Variants in KLHL7 observed in about 807,000 individuals in gnomAD.
KLHL7 encodes kelch-like protein 7.
Under a neutral mutation model 67.4 loss-of-function variants are expected in KLHL7, and 44 were observed. The observed-to-expected ratio is 0.65, with a 90% confidence interval of 0.51 to 0.84. The LOEUF is 0.84. Among genes scored for constraint, KLHL7 ranks in the 40% least tolerant of loss-of-function variants. The probability of loss-of-function intolerance (pLI) is 0.00; values close to 1 mark genes in which losing one functional copy is unlikely to be tolerated. For missense variants in KLHL7, 362 were observed against 718.1 expected (o/e 0.50, Z 5.67); for synonymous variants, 252 against 243.3 (o/e 1.04, Z -0.33).
chr7:23,165,883 C>CCTTG lies in KLHL7; in HGVS notation c.1125_1128dup (p.Ala377CysfsTer26), dbSNP rs1554292763. The stretch of plus-strand genomic sequence containing the variant: ...TGGGTCCTCCGACACCTCGAGACAG[C>CCTTG]CTTGCTGCATGTGCTGCAGAAGGCA... On this transcript the variant is annotated frameshift_variant, in exon 8 of 11. Coordinates refer to ENST00000339077, the MANE Select transcript of KLHL7 (RefSeq NM_001031710.3). LOFTEE classifies it high-confidence loss of function. 1.2e-6 allele frequency: 2 copies of CCTTG among 1,614,152 alleles called. No homozygotes were observed. Among genetic ancestry groups the CCTTG allele is most frequent in the Non-Finnish European group, 1.7e-6 (2 of 1,180,000 alleles).
Position 23,124,705 on chromosome 7 carries a change from A to T in KLHL7, c.241A>T (p.Lys81Ter). The change falls in exon 3 of 11, where the codon AAG (lysine) becomes TAG (stop). Residue 81 changes from lysine to a stop codon, truncating the protein, a stop_gained. Coordinates refer to ENST00000339077, the MANE Select transcript of KLHL7 (RefSeq NM_001031710.3). LOFTEE classifies it high-confidence loss of function. ...LMFTTNMLES[K>*]SFEVELKDAE... ...CATTGTAGCTAACATGCTTGAATCA[A>T]AGTCCTTTGAAGTAGAACTCAAAGA... 6.2e-7 allele frequency: 1 copy of T among 1,609,368 alleles called. No homozygotes were observed. The highest frequency in any genetic ancestry group is 8.5e-7 in the Non-Finnish European group (1 of 1,175,668).
intron 9 of KLHL7, chr7:23,172,707 C>A: frequency 2.8e-6 from 1 of 360,448 alleles, no homozygotes. Flanking sequence ...AATAGATATC[C>A]TCATTTTCTT....
chr7:23,147,650 C>A (rs900632588), intron 6 of KLHL7, among the ~76,000 whole-genome samples: 5 of 152,080 alleles, frequency 3.3e-5, no homozygotes, highest in African/African-American at 1.2e-4. Context: ...TAGGTTGTGT[C>A]TTCTGTGTTC....
chr7:23,105,795 C>G lies in KLHL7; in HGVS notation c.-232C>G, dbSNP rs556970680. On this transcript the variant is annotated 5_prime_UTR_variant, in exon 1 of 11. Coordinates refer to ENST00000339077, the MANE Select transcript of KLHL7 (RefSeq NM_001031710.3). ...TCCTGGGCAGGGCTCGGGTTCTGCC[C>G]GGGGACGCAGCCCAGTTGGTAGCGT... 8.7e-6 allele frequency: 5 copies of G among 577,404 alleles called. No homozygotes were observed. In the Middle Eastern group the frequency reaches 1.4e-3, roughly 166 times the overall value. The allele number at this position is 577,404 out of a possible 1,614,324, so 35.8% of individuals were successfully genotyped here. A position where few individuals can be genotyped will look rare whatever the true frequency, so the allele number is the denominator to read the frequency against.
In KLHL7 at chr7:23,174,955, A is replaced by G. The variant is rs1248147088; in HGVS notation, c.*657A>G. 4 of 453,422 alleles carry G rather than the reference A, an allele frequency of 8.8e-6. No individual in the cohort carries two copies. Among genetic ancestry groups the G allele is most frequent in the Non-Finnish European group, 1.8e-5 (4 of 226,440 alleles). The allele number at this position is 453,422 out of a possible 1,614,324, so 28.1% of individuals were successfully genotyped here. A position where few individuals can be genotyped will look rare whatever the true frequency, so the allele number is the denominator to read the frequency against. ...ATTCCATCTTTTTAACATAAAATGT[A>G]AAGCTTAGCACCCATCATTAATTTA... On this transcript the variant is annotated 3_prime_UTR_variant, in exon 11 of 11. Coordinates refer to ENST00000339077, the MANE Select transcript of KLHL7 (RefSeq NM_001031710.3).
At position 23,174,605 on chromosome 7, in the gene KLHL7, T is replaced by C; in HGVS notation, c.*307T>C. The C allele has an allele frequency of 2.0e-6, 1 of 502,864 alleles. No individual in the cohort carries two copies. Among genetic ancestry groups the C allele is most frequent in the Non-Finnish European group, 3.9e-6 (1 of 259,262 alleles). The allele number at this position is 502,864 out of a possible 1,614,324, so 31.2% of individuals were successfully genotyped here. A position where few individuals can be genotyped will look rare whatever the true frequency, so the allele number is the denominator to read the frequency against. ...ACTATGATTTTGGCAGAATAGAAGA[T>C]TGGCTCATCAGTGAAGCGCAGTATC... On this transcript the variant is annotated 3_prime_UTR_variant, in exon 11 of 11. Coordinates refer to ENST00000339077, the MANE Select transcript of KLHL7 (RefSeq NM_001031710.3).
At chr7:23,171,550 G>T (rs548068493) in intron 9 of KLHL7, among the ~76,000 whole-genome samples, 1 of 152,268 alleles carries the variant, frequency 6.6e-6, no homozygotes, top group East Asian at 1.9e-4. Flanking sequence ...AAAAACAGGA[G>T]CCATGCTGTC....
intron 6 of KLHL7, among the ~76,000 whole-genome samples, chr7:23,147,225 G>A (rs957528517): frequency 2.0e-5 from 3 of 151,968 alleles, no homozygotes; most frequent in African/African-American, 7.3e-5. Context: ...AAGTAGCTGG[G>A]ATTATGGGCG....
rs1443329060 is a variant in KLHL7, at chr7:23,168,025, C to T, written c.1367C>T (p.Pro456Leu). The T allele has an allele frequency of 6.2e-7, 1 of 1,613,646 alleles. No homozygotes were observed. Among genetic ancestry groups the T allele is most frequent in the Non-Finnish European group, 8.5e-7 (1 of 1,179,654 alleles). Reference sequence around the variant, plus strand: ...CTTAATTCCTGTGAAGTTTATGATCCTGCCACAGAAACGTATGTATCTATT... The same window carrying T: ...CTTAATTCCTGTGAAGTTTATGATCTTGCCACAGAAACGTATGTATCTATT... ...RVLNSCEVYD[P>L]ATETWTELCP... Residue 456 changes from proline (P) to leucine (L), a missense_variant, in exon 9 of 11, where the codon CCT (proline) becomes CTT (leucine). Coordinates refer to ENST00000339077, the MANE Select transcript of KLHL7 (RefSeq NM_001031710.3).
intron 4 of KLHL7, among the ~76,000 whole-genome samples, chr7:23,136,246 C>T (rs1056872880): frequency 9.9e-5 from 15 of 152,138 alleles, no homozygotes; most frequent in African/African-American, 3.6e-4. Flanking sequence ...AGGCATCATT[C>T]ATTTGGATAT....
Position 23,127,000 on chromosome 7 carries a change from T to C in KLHL7, c.442+1828T>C, listed in dbSNP as rs755104858. On this transcript the variant is annotated intron_variant, in intron 4 of 10. Transcript: ENST00000339077. The stretch of plus-strand genomic sequence containing the variant: ...GTCCTTCCATCTCTTTGGGCCGTAA[T>C]TGGGGCTTCACTCATCAATAAGATT... Among the ~76,000 whole-genome samples, 18 of 152,200 alleles carry C rather than the reference T, an allele frequency of 1.2e-4. 1 individual carries two copies. Among genetic ancestry groups the C allele is most frequent in the South Asian group, 2.1e-4 (1 of 4,824 alleles).
intron 8 of KLHL7, 45 bp from the exon 9 acceptor site, chr7:23,167,791 C>G (rs748623603): frequency 6.4e-7 from 1 of 1,566,570 alleles, no homozygotes; most frequent in South Asian, 1.1e-5. Flanking sequence ...TCCAAACCCC[C>G]GCACACACTA....
At chr7:23,164,832 T>C (rs1233622231) in intron 7 of KLHL7, among the ~76,000 whole-genome samples, 1 of 152,206 alleles carries the variant, frequency 6.6e-6, no homozygotes, top group African/African-American at 2.4e-5. Flanking sequence ...TCACACATAG[T>C]GCTTTCCTTG....
chr7:23,153,401 C>T (rs1221234994), intron 7 of KLHL7, among the ~76,000 whole-genome samples: 2 of 152,154 alleles, frequency 1.3e-5, no homozygotes, highest in African/African-American at 4.8e-5. Context: ...TAAGCACTGT[C>T]ATTAGTCTAT....
intron 6 of KLHL7, among the ~76,000 whole-genome samples, chr7:23,145,732 A>G (rs1784335010): frequency 6.6e-6 from 1 of 152,058 alleles, no homozygotes; most frequent in Admixed American, 6.6e-5. Context: ...CCATATTTGT[A>G]TTTGTTTTAT....
intron 4 of KLHL7, among the ~76,000 whole-genome samples, chr7:23,131,772 C>T (rs1783810581): frequency 6.7e-6 from 1 of 149,362 alleles, no homozygotes; most frequent in African/African-American, 2.5e-5. Flanking sequence ...TAATCCTCCC[C>T]TCAATCTCCC....
At chr7:23,172,733 T>C in intron 9 of KLHL7, 2 of 478,964 alleles carry the variant, frequency 4.2e-6, no homozygotes, top group South Asian at 5.9e-5. Flanking sequence ...CTATCAGAAT[T>C]GAAAGGAATA....
rs539302039 is a variant in KLHL7 at position 23,118,433 on chromosome 7, G to A, written c.121-5344G>A. The stretch of plus-strand genomic sequence containing the variant: ...CAGTCTGAGGCAGAGCAGCTGATGA[G>A]CAGGAACAGTCCTCTCCTGCCAGAG... On this transcript the variant is annotated intron_variant, in intron 1 of 10. Transcript: ENST00000339077. 5.9e-5 allele frequency among the ~76,000 whole-genome samples: 9 copies of A among 152,300 alleles called. No homozygotes were observed. In the East Asian group the frequency reaches 1.5e-3, roughly 26 times the overall value.
At chr7:23,168,830 A>T (rs1249443955) in intron 9 of KLHL7, among the ~76,000 whole-genome samples, 2 of 152,254 alleles carry the variant, frequency 1.3e-5, no homozygotes, top group Admixed American at 1.3e-4. Flanking sequence ...AGAACAAGTT[A>T]CTGGGTGAAT....
Sources: allele counts gnomAD v4.1 joint callset (sites outside exome capture counted in the v4.1 genomes callset), GRCh38; gene constraint gnomAD v4.1.1; transcripts MANE v1.5; gene names NCBI Gene and HGNC (gene_info 2026-07-23, HGNC 2026-07-21).